The following PPM1H variants were observed in gnomAD, a reference collection of about 807,000 sequenced individuals.
The protein encoded by PPM1H is protein phosphatase, Mg2+/Mn2+ dependent 1H, also known as protein phosphatase 1H.
PPM1H carries 27 observed loss-of-function variants against 54.9 expected under a neutral mutation model. The ratio of observed to expected loss-of-function variants is 0.49; its 90% CI spans 0.36 to 0.68. The LOEUF (loss-of-function observed/expected upper bound fraction) is 0.68. PPM1H is among the 30% of genes least tolerant of loss of function. The pLI, the probability that PPM1H is intolerant of heterozygous loss-of-function variation, is 0.00. For missense variants in PPM1H, 596 were observed against 667.8 expected (o/e 0.89, Z 1.19); for synonymous variants, 305 against 270.8 (o/e 1.13, Z -1.24).
intron 1 of PPM1H, among the ~76,000 whole-genome samples, chr12:62,928,353 T>A (rs1872035987): frequency 6.6e-6 from 1 of 152,210 alleles, no homozygotes; most frequent in Admixed American, 6.5e-5. Flanking sequence ...GCTCCTCAAC[T>A]CTTTGCCATA....
chr12:62,881,498 A>G (rs1870394597), intron 1 of PPM1H, among the ~76,000 whole-genome samples: 1 of 152,104 alleles, frequency 6.6e-6, no homozygotes, highest in Non-Finnish European at 1.5e-5. Context: ...AAGGGAGGAA[A>G]AAGAATTGCT....
chr12:62,734,101 A>G (rs1029867308), intron 5 of PPM1H, among the ~76,000 whole-genome samples: 2 of 151,554 alleles, frequency 1.3e-5, no homozygotes, highest in Non-Finnish European at 2.9e-5. Flanking sequence ...AAGAGGCTCC[A>G]GGGAGCATCC....
At chr12:62,679,131 C>A (rs1191167969) in intron 8 of PPM1H, among the ~76,000 whole-genome samples, 2 of 152,000 alleles carry the variant, frequency 1.3e-5, no homozygotes, top group African/African-American at 2.4e-5. Context: ...GGACTACAGG[C>A]ACATGCCACC....
At chr12:62,739,124 G>A (rs1288379674) in intron 4 of PPM1H, among the ~76,000 whole-genome samples, 1 of 151,782 alleles carries the variant, frequency 6.6e-6, no homozygotes, top group Non-Finnish European at 1.5e-5. Context: ...AAAAGTTTAG[G>A]GGAACTGACT....
intron 2 of PPM1H, among the ~76,000 whole-genome samples, chr12:62,807,615 T>A (rs2076812463): frequency 6.6e-6 from 1 of 152,094 alleles, no homozygotes; most frequent in African/African-American, 2.4e-5. Context: ...CCATGGTTTG[T>A]TGTTTTTTAA....
intron 3 of PPM1H, among the ~76,000 whole-genome samples, chr12:62,801,220 G>A (rs1411625917): frequency 1.3e-5 from 2 of 152,102 alleles, no homozygotes; most frequent in African/African-American, 4.8e-5. Flanking sequence ...AAGTGCAATC[G>A]TACCAGCTGG....
intron 1 of PPM1H, among the ~76,000 whole-genome samples, chr12:62,917,868 G>A (rs192807430): frequency 7.2e-5 from 11 of 151,904 alleles, no homozygotes; most frequent in East Asian, 1.9e-4. Flanking sequence ...TTGGTTTTTC[G>A]TGCTGTTAGA....
Position 62,745,352 on chromosome 12 carries a change from G to A in PPM1H, c.870-7766C>T, listed in dbSNP as rs150466915. Among the ~76,000 whole-genome samples the A allele has an allele frequency of 6.0e-4, 92 of 152,148 alleles. No individual in the cohort carries two copies. The East Asian group carries it at 0.012, about 19-fold the overall frequency. On this transcript the variant is annotated intron_variant, in intron 4 of 9. Coordinates refer to ENST00000228705, the MANE Select transcript of PPM1H (RefSeq NM_020700.2). ...GCTGGGATTACAGGCATGAGCCACC[G>A]CACCTGGTTAACTTTTCTTTATATA...
At chr12:62,650,082 T>C (rs60636263) in intron 9 of PPM1H, among the ~76,000 whole-genome samples, 6,121 of 152,282 alleles carry the variant, frequency 0.04, 412 homozygotes, top group African/African-American at 0.14. Context: ...CAGAAGCCTC[T>C]CCATTTCTTT....
intron 1 of PPM1H, among the ~76,000 whole-genome samples, chr12:62,866,230 T>C (rs911222458): frequency 6.6e-6 from 1 of 152,186 alleles, no homozygotes; most frequent in African/African-American, 2.4e-5. Context: ...GCTATCCCAC[T>C]GGGAGGTAAA....
intron 5 of PPM1H, among the ~76,000 whole-genome samples, chr12:62,722,048 T>C (rs559426687): frequency 6.6e-6 from 1 of 152,254 alleles, no homozygotes; most frequent in African/African-American, 2.4e-5. Context: ...AGCATTAAAC[T>C]AAGCAGAGCA....
intron 1 of PPM1H, among the ~76,000 whole-genome samples, chr12:62,833,096 G>C (rs528473533): frequency 6.6e-6 from 1 of 152,226 alleles, no homozygotes; most frequent in South Asian, 2.1e-4. Context: ...TTAAGCAGCA[G>C]CTAAAACAGA....
chr12:62,795,850 C>T (rs1468337800), intron 3 of PPM1H, among the ~76,000 whole-genome samples: 1 of 152,154 alleles, frequency 6.6e-6, no homozygotes, highest in Non-Finnish European at 1.5e-5. Flanking sequence ...CCTCAGCCTC[C>T]CAAGTAGCTG....
At chr12:62,933,796 A>C (rs568561978) in intron 1 of PPM1H, 2 of 152,314 alleles carry the variant, frequency 1.3e-5, no homozygotes, top group Admixed American at 6.5e-5. Context: ...CTGATCAGTC[A>C]AACGCAAGCT....
At chr12:62,918,188 GA>G (rs1354084194) in intron 1 of PPM1H, among the ~76,000 whole-genome samples, 1 of 152,166 alleles carries the variant, frequency 6.6e-6, no homozygotes, top group Non-Finnish European at 1.5e-5. Flanking sequence ...ACTGGCTAGG[GA>G]AAGAGCCAAG....
chr12:62,705,693 C>T (rs1381530237), intron 6 of PPM1H, among the ~76,000 whole-genome samples: 1 of 152,156 alleles, frequency 6.6e-6, no homozygotes, highest in Non-Finnish European at 1.5e-5. Flanking sequence ...TAATCAATAA[C>T]ATTTAGCTCT....
intron 1 of PPM1H, among the ~76,000 whole-genome samples, chr12:62,840,585 T>A (rs1006510078): frequency 6.6e-6 from 1 of 152,024 alleles, no homozygotes; most frequent in African/African-American, 2.4e-5. Context: ...GAGCTCAGTG[T>A]TATGGAATGA....
intron 4 of PPM1H, among the ~76,000 whole-genome samples, chr12:62,740,744 C>G (rs957347407): frequency 6.6e-6 from 1 of 152,164 alleles, no homozygotes; most frequent in African/African-American, 2.4e-5. Flanking sequence ...CAGGGTCCAG[C>G]GCAAAATGAA....
In PPM1H at chr12:62,735,022, C is replaced by T. The variant is rs144021224; in HGVS notation, c.954+2480G>A. Among the ~76,000 whole-genome samples, 60 of 151,978 alleles carry T rather than the reference C, an allele frequency of 3.9e-4. No individual in the cohort carries two copies. The East Asian group carries it at 8.3e-3, about 21-fold the overall frequency. On this transcript the variant is annotated intron_variant, in intron 5 of 9. Transcript: ENST00000228705. Reference sequence around the variant, plus strand: ...TTGTGCTACTACAGTTTAGACTGGACGACAGAGTGAAACCCTGTCTCAAAA... The same window carrying T: ...TTGTGCTACTACAGTTTAGACTGGATGACAGAGTGAAACCCTGTCTCAAAA...
Sources: gnomAD v4.1 joint callset for allele counts (sites outside exome capture counted in the v4.1 genomes callset) on GRCh38, gnomAD v4.1.1 for gene constraint, MANE v1.5 for transcripts, NCBI Gene and HGNC (gene_info 2026-07-23, HGNC 2026-07-21) for gene names.